Variants in RADIL observed in about 807,000 individuals in gnomAD.
The protein encoded by RADIL is ras-associating and dilute domain-containing protein.
RADIL carries 99 observed loss-of-function variants against 97.6 expected under a neutral mutation model. That is an observed-to-expected ratio of 1.01 (90% CI 0.86 to 1.20). The LOEUF is 1.20. Ranked by LOEUF, RADIL falls within the 50% of genes most tolerant of loss-of-function variation. The pLI is 0.00. For missense variants in RADIL, 1,765 were observed against 1,498.9 expected, an observed-to-expected ratio of 1.18 and a Z score of -2.93; for synonymous variants, 803 against 691.8, an observed-to-expected ratio of 1.16 and a Z score of -2.52.
rs945909395 is a variant in RADIL at position 4,824,476 on chromosome 7, C to A, written c.1455-1922G>T. 6.6e-6 allele frequency among the ~76,000 whole-genome samples: 1 copy of A among 152,232 alleles called. No individual in the cohort carries two copies. The highest frequency in any genetic ancestry group is 1.5e-5 in the Non-Finnish European group (1 of 68,044). On this transcript the variant is annotated intron_variant, in intron 5 of 14. Transcript: ENST00000399583. This position sits in a 1 kb window ranked among gnomAD's most constrained non-coding sequence, Gnocchi z 6.7. ...CTGAGGCCCTGTTTTCCTCCCTGTT[C>A]TTTCCCCAGCTGGGCAGCCGAGCAG...
At chr7:4,847,912 C>G (rs1052689403) in intron 2 of RADIL, among the ~76,000 whole-genome samples, 3 of 151,994 alleles carry the variant, frequency 2.0e-5, no homozygotes, top group Non-Finnish European at 2.9e-5. Flanking sequence ...TGAAAACGTG[C>G]CGGCCGGGTG....
At position 4,872,475 on chromosome 7, in the gene RADIL, A is replaced by C. The variant is rs1443739838; in HGVS notation, c.535+5130T>G. On this transcript the variant is annotated intron_variant, in intron 2 of 14. Coordinates refer to ENST00000399583, the MANE Select transcript of RADIL (RefSeq NM_018059.5). This position sits in a 1 kb window ranked among gnomAD's most constrained non-coding sequence, Gnocchi z 5.8. ...CCTCACCGTTCCCCAGCCCCTGACA[A>C]AAACCACATGGCCCTGTCATCGCCC... 6.6e-6 allele frequency among the ~76,000 whole-genome samples: 1 copy of C among 152,058 alleles called. No homozygotes were observed. The highest frequency in any genetic ancestry group is 2.4e-5 in the African/African-American group (1 of 41,400).
chr7:4,864,196 C>G (rs989793681), intron 2 of RADIL, among the ~76,000 whole-genome samples: 15 of 152,304 alleles, frequency 9.8e-5, no homozygotes, highest in Non-Finnish European at 1.8e-4. Context: ...CCCATGACCC[C>G]AATGATTTCC....
intron 10 of RADIL, chr7:4,804,087 T>C: frequency 2.7e-6 from 1 of 364,462 alleles, no homozygotes; most frequent in Non-Finnish European, 5.3e-6. Flanking sequence ...TCCGGGTAAC[T>C]GGAGCTCCCC....
rs1483881400 is a variant in RADIL, at chr7:4,872,649, T to A, written c.535+4956A>T. Among the ~76,000 whole-genome samples the A allele has an allele frequency of 6.6e-6, 1 of 152,012 alleles. No homozygotes were observed. Among genetic ancestry groups the A allele is most frequent in the Non-Finnish European group, 1.5e-5 (1 of 67,992 alleles). On this transcript the variant is annotated intron_variant, in intron 2 of 14. Transcript: ENST00000399583. The surrounding 1 kb of genome is among the most constrained non-coding windows in gnomAD (Gnocchi z 5.8). ...CATACCTCCAGCACCAGCCTCCTCC[T>A]GGAAGAGACCCTCTAGGTCTTGTGA...
At chr7:4,827,489 G>A (rs1013800807) in intron 5 of RADIL, among the ~76,000 whole-genome samples, 7 of 150,532 alleles carry the variant, frequency 4.7e-5, no homozygotes, top group Admixed American at 1.3e-4. Flanking sequence ...GTGAAACCCC[G>A]TCTCTACTAA....
chr7:4,806,608 T>C (rs1782317682), intron 9 of RADIL, among the ~76,000 whole-genome samples: 1 of 152,224 alleles, frequency 6.6e-6, no homozygotes. Context: ...TGGGGTTCCT[T>C]TCCCCGGCTC....
At chr7:4,803,217 A>T (rs376223787) in intron 11 of RADIL, among the ~76,000 whole-genome samples, 29 of 43,660 alleles carry the variant, frequency 6.6e-4, no homozygotes, top group Admixed American at 2.3e-3. Flanking sequence ...CTCGGGGCAC[A>T]CTGGCTGGGC....
chr7:4,847,917 C>T (rs548695922), intron 2 of RADIL, among the ~76,000 whole-genome samples: 4 of 152,030 alleles, frequency 2.6e-5, no homozygotes, highest in South Asian at 2.1e-4. Context: ...ACGTGCCGGC[C>T]GGGTGCAGTG....
chr7:4,820,319 C>T (rs1411160344), intron 6 of RADIL, among the ~76,000 whole-genome samples: 1 of 152,184 alleles, frequency 6.6e-6, no homozygotes, highest in African/African-American at 2.4e-5. Context: ...AGCCCAGGAG[C>T]CCCAGGGGAG....
At chr7:4,808,757 C>G (rs1425646048) in intron 9 of RADIL, 1 of 971,334 alleles carries the variant, frequency 1.0e-6, no homozygotes. Context: ...TCCAACGCCA[C>G]TGCCCCCCGT....
At chr7:4,861,933 C>T in intron 2 of RADIL, 1 of 542,612 alleles carries the variant, frequency 1.8e-6, no homozygotes, top group Non-Finnish European at 3.0e-6. Context: ...CGACCCCACT[C>T]CCACTCCCGC....
Position 4,801,755 on chromosome 7 carries a change from G to A in RADIL, c.2740C>T (p.Pro914Ser). ...GACTCTGGCCAGTCGGGGTCCCCAG[G>A]CTCAGGGCCAAGTGGAGTGCTGGGA... ...TPPSTPLGPE[P>S]GDPDWPESGG... is the part of the protein sequence containing the mutation. Residue 914 changes from proline to serine, a missense_variant, in exon 12 of 15, where the codon CCT (proline) becomes TCT (serine). Coordinates refer to ENST00000399583, the MANE Select transcript of RADIL (RefSeq NM_018059.5). 6.2e-7 allele frequency: 1 copy of A among 1,610,578 alleles called. No individual in the cohort carries two copies.
chr7:4,802,892 C>A (rs1562425710), intron 11 of RADIL, among the ~76,000 whole-genome samples: 1 of 125,970 alleles, frequency 7.9e-6, no homozygotes, highest in Non-Finnish European at 1.7e-5. Context: ...GCTGGGGGGC[C>A]CCCTCCCCGG....
In RADIL at chr7:4,816,325, C is replaced by G; in HGVS notation, c.1869G>C (p.Leu623=). 6.2e-7 allele frequency: 1 copy of G among 1,612,462 alleles called. No individual in the cohort carries two copies. Among genetic ancestry groups the G allele is most frequent in the Non-Finnish European group, 8.5e-7 (1 of 1,179,752 alleles). ...VSVYQAALDL[L]RQLQVHPEVA... is the part of the protein sequence containing the mutation. Reference sequence around the variant, plus strand: ...CCTCGGGGTGCACCTGCAGCTGCCGCAGGAGGTCCAGGGCTGCCTGGTACA... The same window carrying G: ...CCTCGGGGTGCACCTGCAGCTGCCGGAGGAGGTCCAGGGCTGCCTGGTACA... Residue 623 remains leucine, a synonymous_variant, in exon 8 of 15, where the codon CTG becomes CTC. Coordinates refer to ENST00000399583, the MANE Select transcript of RADIL (RefSeq NM_018059.5).
rs768984244 is a variant in RADIL at position 4,822,582 on chromosome 7, C to G, written c.1455-28G>C. The G allele has an allele frequency of 1.2e-6, 2 of 1,604,568 alleles. No homozygotes were observed. Among genetic ancestry groups the G allele is most frequent in the Middle Eastern group, 1.7e-4 (1 of 5,988 alleles). Reference sequence around the variant, plus strand: ...ACCAAGACAGAAAGACTAAGAGTTACGCGGGGACCCGACCCTCAGGAGGCT... The same window carrying G: ...ACCAAGACAGAAAGACTAAGAGTTAGGCGGGGACCCGACCCTCAGGAGGCT... On this transcript the variant is annotated intron_variant, in intron 5 of 14. Coordinates refer to ENST00000399583, the MANE Select transcript of RADIL (RefSeq NM_018059.5). This position sits in a 1 kb window ranked among gnomAD's most constrained non-coding sequence, Gnocchi z 5.3.
intron 1 of RADIL, among the ~76,000 whole-genome samples, chr7:4,882,442 G>A (rs1784506062): frequency 6.6e-6 from 1 of 152,202 alleles, no homozygotes; most frequent in Non-Finnish European, 1.5e-5. Context: ...GGCTGGTGCT[G>A]CTCTTAGAGA....
In RADIL at chr7:4,824,020, G is replaced by A. The variant is rs1471491679; in HGVS notation, c.1455-1466C>T. On this transcript the variant is annotated intron_variant, in intron 5 of 14. Transcript: ENST00000399583. This position sits in a 1 kb window ranked among gnomAD's most constrained non-coding sequence, Gnocchi z 6.7. The stretch of plus-strand genomic sequence containing the variant: ...TAATCGCACCTGGCGGACACAAATA[G>A]CCGTGTGCCCCTGAGCAGTGAGCAG... 2.0e-5 allele frequency among the ~76,000 whole-genome samples: 3 copies of A among 152,232 alleles called. No homozygotes were observed. The highest frequency in any genetic ancestry group is 2.9e-5 in the Non-Finnish European group (2 of 68,042).
At chr7:4,832,267 A>G in intron 4 of RADIL, 89 bp from the exon 5 acceptor site, 1 of 1,331,062 alleles carries the variant, frequency 7.5e-7, no homozygotes, top group Admixed American at 1.9e-5. Context: ...CGACAGGAAA[A>G]CAAGCCATGC....
Sources: gnomAD v4.1 joint callset for allele counts (sites outside exome capture counted in the v4.1 genomes callset) on GRCh38, gnomAD v4.1.1 for gene constraint, Gnocchi (gnomAD v3.1) non-coding constraint, MANE v1.5 for transcripts, NCBI Gene and HGNC (gene_info 2026-07-23, HGNC 2026-07-21) for gene names.